ZPBP: variants seen among roughly 807,000 people sequenced by gnomAD.
ZPBP encodes the protein zona pellucida binding protein, also known as zona pellucida-binding protein 1.
In ZPBP, 26 loss-of-function variants were observed where a neutral mutation model predicts 44.8. That is an observed-to-expected ratio of 0.58 (90% CI 0.43 to 0.81). The LOEUF is 0.81. Among genes scored for constraint, ZPBP ranks in the 30% least tolerant of loss-of-function variants. The pLI is 0.00. For missense variants in ZPBP, 409 were observed against 434.0 expected (o/e 0.94, Z 0.51); for synonymous variants, 174 against 153.2 (o/e 1.14, Z -1.00).
intron 6 of ZPBP, among the ~76,000 whole-genome samples, chr7:49,994,176 T>C (rs982493385): frequency 6.6e-6 from 1 of 152,182 alleles, no homozygotes; most frequent in Admixed American, 6.5e-5. Context: ...TTGCCCAAAG[T>C]TTTCCCCACT....
chr7:49,910,468 T>C (rs1793348662), intron 1 of ZPBP, among the ~76,000 whole-genome samples: 1 of 152,188 alleles, frequency 6.6e-6, no homozygotes, highest in South Asian at 2.1e-4. Context: ...CTGTTGAAGA[T>C]AAAAGTTGAG....
At chr7:49,896,263 C>A (rs542199636) in intron 2 of ZPBP, among the ~76,000 whole-genome samples, 8 of 152,282 alleles carry the variant, frequency 5.3e-5, no homozygotes, top group African/African-American at 1.9e-4. Flanking sequence ...ATCGCTTGAA[C>A]CCAGAAGGTG....
intron 3 of ZPBP, among the ~76,000 whole-genome samples, chr7:50,062,919 C>T (rs1801317423): frequency 6.6e-6 from 1 of 151,090 alleles, no homozygotes; most frequent in Admixed American, 6.6e-5. Flanking sequence ...TTAGGTGCAC[C>T]AGCCCAGTCG....
chr7:49,931,067 A>T (rs1274335775), intron 1 of ZPBP, among the ~76,000 whole-genome samples: 2 of 152,212 alleles, frequency 1.3e-5, no homozygotes, highest in African/African-American at 4.8e-5. Flanking sequence ...GCCACCATGT[A>T]AGATGTGACT....
chr7:50,057,996 A>T lies in ZPBP; in HGVS notation c.480T>A (p.Ala160=). The stretch of plus-strand genomic sequence containing the variant: ...ACTAACTTTACTTCTTACCATATAT[A>T]GCATATTTTAGTTGAAGACGTTTAA... ...EIVKRLQLKY[A]IYAYREPHYY... The change falls in exon 4 of 8, where the codon GCT becomes GCA. Residue 160 remains alanine, a synonymous_variant. Coordinates refer to ENST00000046087, the MANE Select transcript of ZPBP (RefSeq NM_007009.3). 1 of 1,609,720 alleles carries T rather than the reference A, an allele frequency of 6.2e-7. No individual in the cohort carries two copies. The highest frequency in any genetic ancestry group is 8.5e-7 in the Non-Finnish European group (1 of 1,177,578).
chr7:49,842,012 G>A, the ZPBP span, among the ~76,000 whole-genome samples: 2 of 152,042 alleles, frequency 1.3e-5, no homozygotes, highest in African/African-American at 2.4e-5. Context: ...GATTACAGGT[G>A]CTCGCCACCA....
downstream of ZPBP, among the ~76,000 whole-genome samples, chr7:49,932,575 G>T (rs931359365): frequency 6.6e-6 from 1 of 152,178 alleles, no homozygotes; most frequent in Non-Finnish European, 1.5e-5. Flanking sequence ...ACTTGCTTTT[G>T]ATTTTACAGG....
At chr7:49,992,816 T>C (rs1797629071) in intron 6 of ZPBP, among the ~76,000 whole-genome samples, 1 of 151,968 alleles carries the variant, frequency 6.6e-6, no homozygotes, top group African/African-American at 2.4e-5. Context: ...GGAGGCACAA[T>C]AAATTCTGGA....
At chr7:49,873,852 A>G (rs1791282417) in intron 2 of ZPBP, among the ~76,000 whole-genome samples, 1 of 152,092 alleles carries the variant, frequency 6.6e-6, no homozygotes, top group Non-Finnish European at 1.5e-5. Flanking sequence ...ATGTACTACT[A>G]CACAGCATTT....
chr7:50,029,648 A>C (rs1799502477), intron 5 of ZPBP, among the ~76,000 whole-genome samples: 1 of 152,236 alleles, frequency 6.6e-6, no homozygotes, highest in African/African-American at 2.4e-5. Context: ...CAAATTTTAA[A>C]TTGAGCAAAG....
At chr7:49,986,308 T>C (rs1234758993) in intron 6 of ZPBP, among the ~76,000 whole-genome samples, 3 of 152,126 alleles carry the variant, frequency 2.0e-5, no homozygotes, top group South Asian at 2.1e-4. Context: ...ATTTTCCTTC[T>C]TTTTTTCAGG....
chr7:49,922,007 T>G (rs1358691263), intron 1 of ZPBP: 2 of 152,124 alleles, frequency 1.3e-5, no homozygotes, highest in Non-Finnish European at 2.9e-5. Flanking sequence ...TATTTTAGCT[T>G]TTGAAAGTAG....
At chr7:49,851,195 T>C (rs1197694955) in intron 2 of ZPBP, among the ~76,000 whole-genome samples, 1 of 152,196 alleles carries the variant, frequency 6.6e-6, no homozygotes, top group Admixed American at 6.5e-5. Context: ...GTGGTCTTCT[T>C]CTCTGTGCCC....
intron 1 of ZPBP, chr7:49,915,611 A>T (rs1793675709): frequency 6.6e-6 from 1 of 152,202 alleles, no homozygotes; most frequent in South Asian, 2.1e-4. Context: ...CTTACAAAAT[A>T]TACACTGTTT....
intron 6 of ZPBP, among the ~76,000 whole-genome samples, chr7:49,987,441 G>GGGAAAAACAGAAAA (rs1355829553): frequency 4.6e-5 from 7 of 152,068 alleles, no homozygotes; most frequent in Non-Finnish European, 1.0e-4. Context: ...GGGAATCCTT[G>GGGAAAAACAGAAAA]GGAAAAACAG....
At chr7:50,082,187 G>A (rs1386739580) in intron 2 of ZPBP, among the ~76,000 whole-genome samples, 3 of 151,674 alleles carry the variant, frequency 2.0e-5, no homozygotes, top group Non-Finnish European at 4.4e-5. Context: ...ACACTAACCT[G>A]TTTTATTCTC....
chr7:49,888,865 C>T (rs1015620583), intron 2 of ZPBP, among the ~76,000 whole-genome samples: 4 of 152,098 alleles, frequency 2.6e-5, no homozygotes, highest in South Asian at 2.1e-4. Flanking sequence ...GAGCTGAGAT[C>T]GCACCATCAC....
chr7:49,895,025 G>C (rs1427526326), intron 2 of ZPBP, among the ~76,000 whole-genome samples: 2 of 152,184 alleles, frequency 1.3e-5, no homozygotes, highest in East Asian at 3.9e-4. Flanking sequence ...ATATGTCTAA[G>C]TCCATTCATG....
At chr7:49,924,475 C>A (rs1794152346) in intron 1 of ZPBP, among the ~76,000 whole-genome samples, 2 of 152,088 alleles carry the variant, frequency 1.3e-5, no homozygotes, top group African/African-American at 4.8e-5. Context: ...TTCAATTAAA[C>A]TATAACTCAA....
Sources: gnomAD v4.1 joint callset for allele counts (sites outside exome capture counted in the v4.1 genomes callset) on GRCh38, gnomAD v4.1.1 for gene constraint, MANE v1.5 for transcripts, NCBI Gene and HGNC (gene_info 2026-07-23, HGNC 2026-07-21) for gene names.